The following WDR19 variants were observed in gnomAD, a reference collection of about 807,000 sequenced individuals.
WDR19 encodes the protein WD repeat domain 19.
Under a neutral mutation model 180.0 loss-of-function variants are expected in WDR19, and 121 were observed. The observed-to-expected ratio is 0.67, with a 90% CI of 0.58 to 0.78. The LOEUF (loss-of-function observed/expected upper bound fraction) is 0.78, where lower values mean the gene tolerates loss of function less well. Among genes scored for constraint, WDR19 ranks in the 30% least tolerant of loss-of-function variants. The pLI, the probability that WDR19 is intolerant of heterozygous loss-of-function variation, is 0.00. For missense variants in WDR19, 1,450 were observed against 1,640.7 expected, an observed-to-expected ratio of 0.88 and a Z score of 2.01; for synonymous variants, 497 against 540.7, an observed-to-expected ratio of 0.92 and a Z score of 1.12.
chr4:39,197,952 C>T (rs1726947128), intron 5 of WDR19, among the ~76,000 whole-genome samples: 1 of 152,168 alleles, frequency 6.6e-6, no homozygotes, highest in South Asian at 2.1e-4. Flanking sequence ...GATCCTCCCA[C>T]CTCAGCTTCC....
At position 39,278,117 on chromosome 4, in the gene WDR19, C is replaced by A; in HGVS notation, c.3841-14C>A. On this transcript the variant is annotated splice_polypyrimidine_tract_variant and intron_variant, in intron 34 of 36. Coordinates refer to ENST00000399820, the MANE Select transcript of WDR19 (RefSeq NM_025132.4). The stretch of plus-strand genomic sequence containing the variant: ...AATAAAGATGAATTTAACTCTTAAA[C>A]ATCCTGTTTCCAGGGTCGACACATG... 1.3e-6 allele frequency: 2 copies of A among 1,583,756 alleles called. No homozygotes were observed. The highest frequency in any genetic ancestry group is 1.7e-6 in the Non-Finnish European group (2 of 1,163,046).
intron 28 of WDR19, among the ~76,000 whole-genome samples, chr4:39,264,815 G>T (rs1734623759): frequency 6.6e-6 from 1 of 151,524 alleles, no homozygotes; most frequent in Non-Finnish European, 1.5e-5. Flanking sequence ...CACACATTCT[G>T]TTCCTATTAA....
intron 36 of WDR19, among the ~76,000 whole-genome samples, chr4:39,283,646 TAATAC>T (rs1736816667): frequency 6.6e-6 from 1 of 152,166 alleles, no homozygotes; most frequent in South Asian, 2.1e-4. Flanking sequence ...ATAAATCCTG[TAATAC>T]AATGATATAA....
intron 14 of WDR19, among the ~76,000 whole-genome samples, chr4:39,220,918 C>T (rs1468574194): frequency 4.3e-5 from 5 of 117,554 alleles, no homozygotes; most frequent in Admixed American, 2.8e-4. Context: ...AACTGGGTCT[C>T]CCTTTGTTGC....
chr4:39,198,983 G>A (rs1727082510), intron 5 of WDR19, among the ~76,000 whole-genome samples: 1 of 150,508 alleles, frequency 6.6e-6, no homozygotes, highest in Non-Finnish European at 1.5e-5. Flanking sequence ...GGGCAAGAGA[G>A]TGAGACTCTG....
chr4:39,205,224 T>G lies in WDR19; in HGVS notation c.674T>G (p.Leu225Arg). The G allele has an allele frequency of 2.5e-6, 4 of 1,602,814 alleles. No individual in the cohort carries two copies. Among genetic ancestry groups the G allele is most frequent in the Non-Finnish European group, 3.4e-6 (4 of 1,174,228 alleles). The change falls in exon 8 of 37, where the codon CTT becomes CGT. Residue 225 changes from leucine to arginine, a missense_variant. Coordinates refer to ENST00000399820, the MANE Select transcript of WDR19 (RefSeq NM_025132.4). ...AATGAACCAGATAACCCAGCTGATC[T>G]TGAATTTCAGCAGGACTTTGGCAAC... Reference protein sequence around the residue: ...NLNEPDNPADLEFQQDFGNIV... With the variant: ...NLNEPDNPADREFQQDFGNIV...
intron 9 of WDR19, among the ~76,000 whole-genome samples, chr4:39,211,422 C>T (rs1728492101): frequency 6.6e-6 from 1 of 152,130 alleles, no homozygotes; most frequent in Admixed American, 6.6e-5. Context: ...ATGTCATGAT[C>T]ATCTTGGGAT....
At chr4:39,210,458 G>A (rs755506926) in intron 9 of WDR19, among the ~76,000 whole-genome samples, 2 of 152,238 alleles carry the variant, frequency 1.3e-5, no homozygotes, top group Non-Finnish European at 2.9e-5. Context: ...TGAGCCAGGA[G>A]GATCACCTGA....
intron 8 of WDR19, 107 bp from the exon 9 acceptor site, chr4:39,205,456 T>C: frequency 1.5e-6 from 2 of 1,322,044 alleles, no homozygotes; most frequent in East Asian, 5.1e-5. Flanking sequence ...AGGCCCTTGA[T>C]AAATTATATT....
intron 14 of WDR19, chr4:39,218,998 T>C (rs1729382769): frequency 6.6e-6 from 1 of 152,172 alleles, no homozygotes; most frequent in African/African-American, 2.4e-5. Context: ...CACTGAAAGG[T>C]CTTCAGCGGG....
chr4:39,217,707 A>G (rs1729210808), intron 13 of WDR19, among the ~76,000 whole-genome samples: 1 of 152,130 alleles, frequency 6.6e-6, no homozygotes, highest in African/African-American at 2.4e-5. Context: ...CATCTCTCAC[A>G]TCTGTTTCAT....
chr4:39,273,205 A>G lies in WDR19; in HGVS notation c.3565+144A>G, dbSNP rs1735554834. 13 of 612,824 alleles carry G rather than the reference A, an allele frequency of 2.1e-5. No homozygotes were observed. In the South Asian group the frequency reaches 2.9e-4, roughly 14 times the overall value. 38.0% of individuals were successfully genotyped at this position (612,824 alleles called of 1,614,324 possible). Reference sequence around the variant, plus strand: ...CATGAAGTGGTATGTCAGGGCCCCAAGACCACTCCCAGGTTTGATGACTCT... The same window carrying G: ...CATGAAGTGGTATGTCAGGGCCCCAGGACCACTCCCAGGTTTGATGACTCT... On this transcript the variant is annotated intron_variant, in intron 32 of 36. Transcript: ENST00000399820.
chr4:39,192,698 A>T (rs781407260), intron 4 of WDR19, among the ~76,000 whole-genome samples: 5 of 152,098 alleles, frequency 3.3e-5, no homozygotes, highest in Non-Finnish European at 7.4e-5. Flanking sequence ...CTGACCTCAG[A>T]TGATCTGCCC....
chr4:39,270,801 T>C (rs1333943397), intron 31 of WDR19, among the ~76,000 whole-genome samples: 1 of 152,168 alleles, frequency 6.6e-6, no homozygotes, highest in East Asian at 1.9e-4. Flanking sequence ...GTGGATTTCA[T>C]AAAATTCCAC....
intron 4 of WDR19, among the ~76,000 whole-genome samples, chr4:39,192,263 T>C (rs1171069433): frequency 1.3e-5 from 2 of 152,212 alleles, no homozygotes; most frequent in Non-Finnish European, 2.9e-5. Flanking sequence ...ATTATTTTTA[T>C]TCATATTTTC....
intron 1 of WDR19, 123 bp downstream of exon 1, chr4:39,182,686 A>T: frequency 6.9e-7 from 1 of 1,446,282 alleles, no homozygotes; most frequent in East Asian, 2.4e-5. Context: ...GAAGAGAGAG[A>T]GAGAGAGAGG....
At chr4:39,259,187 G>A (rs146204268) in intron 28 of WDR19, among the ~76,000 whole-genome samples, 25 of 152,280 alleles carry the variant, frequency 1.6e-4, no homozygotes, top group Middle Eastern at 3.4e-3. Context: ...TGCCCATCCC[G>A]AGTTAATTAG....
chr4:39,270,180 T>C lies in WDR19; in HGVS notation c.3483+80T>C, dbSNP rs115786552. 1.9e-4 allele frequency: 300 copies of C among 1,559,076 alleles called. No individual in the cohort carries two copies. In the African/African-American group the frequency reaches 3.4e-3, roughly 17 times the overall value. On this transcript the variant is annotated intron_variant, in intron 31 of 36. Transcript: ENST00000399820. ...GAGATTTTCTCCAGGCCCTTCTCCA[T>C]TGGATTCGAGTGATTGTCTAGATGT...
intron 31 of WDR19, among the ~76,000 whole-genome samples, chr4:39,272,624 TTC>T (rs994753071): frequency 1.3e-5 from 2 of 152,068 alleles, no homozygotes; most frequent in East Asian, 3.9e-4. Context: ...TAGCAGATCA[TTC>T]TCTCTCTCTC....
Sources: gnomAD v4.1 joint callset for allele counts (sites outside exome capture counted in the v4.1 genomes callset) on GRCh38, gnomAD v4.1.1 for gene constraint, MANE v1.5 for transcripts, NCBI Gene and HGNC (gene_info 2026-07-23, HGNC 2026-07-21) for gene names.